The following PTCHD4 variants were observed in gnomAD, a reference collection of about 807,000 sequenced individuals.
PTCHD4 encodes the protein patched domain-containing protein 4.
Under a neutral mutation model 58.1 loss-of-function variants are expected in PTCHD4, and 33 were observed. That is an observed-to-expected ratio of 0.57 (90% confidence interval 0.43 to 0.76). The LOEUF (loss-of-function observed/expected upper bound fraction) is 0.76, where lower values mean the gene tolerates loss of function less well. Ranked by LOEUF, PTCHD4 falls within the 30% of genes least tolerant of loss-of-function variation. The pLI is 0.00. For missense variants in PTCHD4, 1,058 were observed against 1,027.1 expected (o/e 1.03, Z -0.41); for synonymous variants, 478 against 409.6 (o/e 1.17, Z -2.02).
At chr6:47,881,395 A>G (rs1764017525) in intron 4 of PTCHD4, among the ~76,000 whole-genome samples, 1 of 152,176 alleles carries the variant, frequency 6.6e-6, no homozygotes, top group Non-Finnish European at 1.5e-5. Context: ...TTCATGTGAC[A>G]TAGTTCTGGA....
intron 4 of PTCHD4, among the ~76,000 whole-genome samples, chr6:47,948,246 C>T (rs574378617): frequency 3.9e-5 from 6 of 152,306 alleles, no homozygotes; most frequent in African/African-American, 1.4e-4. Flanking sequence ...AGAGGCTACC[C>T]TTAGCTCCTT....
At chr6:48,010,484 C>A (rs1230480672) in intron 3 of PTCHD4, among the ~76,000 whole-genome samples, 2 of 152,028 alleles carry the variant, frequency 1.3e-5, no homozygotes, top group Non-Finnish European at 2.9e-5. Context: ...TAACATGTGA[C>A]AAAGCAACCC....
At chr6:47,962,023 G>C (rs1423843278) in intron 4 of PTCHD4, among the ~76,000 whole-genome samples, 3 of 151,792 alleles carry the variant, frequency 2.0e-5, no homozygotes, top group Non-Finnish European at 4.4e-5. Flanking sequence ...AATCTAACCA[G>C]GTTTATTAGG....
Position 48,068,792 on chromosome 6 carries a change from C to T in PTCHD4, c.6-151G>A. 5.8e-6 allele frequency: 4 copies of T among 686,966 alleles called. No individual in the cohort carries two copies. Among genetic ancestry groups the T allele is most frequent in the South Asian group, 5.8e-5 (3 of 51,858 alleles). 42.6% of individuals were successfully genotyped at this position (686,966 alleles called of 1,614,324 possible). A position where few individuals can be genotyped will look rare whatever the true frequency, so the allele number is the denominator to read the frequency against. ...CCACTCCGCCTGGTCTTTCCCCGGC[C>T]CCACCTCCATGCGCTCCTACTACTC... On this transcript the variant is annotated intron_variant, in intron 2 of 4. Transcript: ENST00000339488. The surrounding 1 kb of genome is among the most constrained non-coding windows in gnomAD (Gnocchi z 4.2).
rs902916790 is a variant in PTCHD4, at chr6:47,876,399, T to A, written c.*1904A>T. 6.6e-6 allele frequency among the ~76,000 whole-genome samples: 1 copy of A among 151,980 alleles called. No homozygotes were observed. The highest frequency in any genetic ancestry group is 1.5e-5 in the Non-Finnish European group (1 of 67,942). On this transcript the variant is annotated 3_prime_UTR_variant, in exon 5 of 5. Coordinates refer to ENST00000339488, the MANE Select transcript of PTCHD4 (RefSeq NM_001384253.1). ...AAGGTAAAACAAAACAAACTCCATT[T>A]AATAAATGAAATATTACTTAAATGT...
chr6:48,024,674 G>A (rs1327916134), intron 3 of PTCHD4, among the ~76,000 whole-genome samples: 1 of 152,106 alleles, frequency 6.6e-6, no homozygotes, highest in African/African-American at 2.4e-5. Context: ...TTTTGTTTCA[G>A]GCACAAAACA....
rs192138541 is a variant in PTCHD4 at position 47,970,423 on chromosome 6, T to C, written c.898+38211A>G. ...AGAAGGATGTCAATAAGAATTCAAG[T>C]TGCAGAATCTTAGAAAAATGCAAGA... On this transcript the variant is annotated intron_variant, in intron 4 of 4. Transcript: ENST00000339488. 4.8e-3 allele frequency among the ~76,000 whole-genome samples: 727 copies of C among 152,272 alleles called. 3 individuals carry two copies. Among genetic ancestry groups the C allele is most frequent in the African/African-American group, 0.016 (656 of 41,564 alleles).
At chr6:47,941,293 G>C (rs1006848254) in intron 4 of PTCHD4, among the ~76,000 whole-genome samples, 2 of 152,166 alleles carry the variant, frequency 1.3e-5, no homozygotes, top group African/African-American at 4.8e-5. Context: ...GTGAATCTTG[G>C]AGTGTGGAGG....
chr6:48,082,294 T>C (rs1765182427), intron 1 of PTCHD4, among the ~76,000 whole-genome samples: 1 of 152,178 alleles, frequency 6.6e-6, no homozygotes, highest in Non-Finnish European at 1.5e-5. Context: ...TTAGGTCTTA[T>C]AAAAATTCAT....
At chr6:47,964,126 A>G (rs1581942517) in intron 4 of PTCHD4, among the ~76,000 whole-genome samples, 1 of 152,216 alleles carries the variant, frequency 6.6e-6, no homozygotes, top group Non-Finnish European at 1.5e-5. Context: ...AGAGAGTAGA[A>G]TAGTGATTGG....
At chr6:48,020,779 A>G (rs1479689098) in intron 3 of PTCHD4, among the ~76,000 whole-genome samples, 1 of 152,126 alleles carries the variant, frequency 6.6e-6, no homozygotes, top group East Asian at 1.9e-4. Context: ...TATACACATT[A>G]CAGCATGATC....
chr6:47,922,401 C>T (rs895322274), intron 4 of PTCHD4, among the ~76,000 whole-genome samples: 2 of 152,128 alleles, frequency 1.3e-5, no homozygotes, highest in Non-Finnish European at 1.5e-5. Flanking sequence ...ACCACCTTCC[C>T]ATTGTGGATA....
At chr6:47,975,706 GT>G (rs1220193491) in intron 4 of PTCHD4, among the ~76,000 whole-genome samples, 1 of 152,142 alleles carries the variant, frequency 6.6e-6, no homozygotes, top group Non-Finnish European at 1.5e-5. Flanking sequence ...AGTAAATCTA[GT>G]AATATTTCTT....
intron 4 of PTCHD4, among the ~76,000 whole-genome samples, chr6:47,995,924 G>A (rs1304880303): frequency 2.0e-5 from 3 of 152,168 alleles, no homozygotes; most frequent in Non-Finnish European, 4.4e-5. Flanking sequence ...TTATGAAGGA[G>A]GCACTGTCGA....
chr6:48,092,292 G>T (rs1426185259), intron 1 of PTCHD4, among the ~76,000 whole-genome samples: 1 of 152,184 alleles, frequency 6.6e-6, no homozygotes, highest in East Asian at 1.9e-4. Flanking sequence ...ATTCATAACA[G>T]CTCTTGCAGT....
rs554525812 is a variant in PTCHD4, at chr6:47,872,638, A to G, written c.*5665T>C. Among the ~76,000 whole-genome samples the G allele has an allele frequency of 6.6e-6, 1 of 151,786 alleles. No homozygotes were observed. Among genetic ancestry groups the G allele is most frequent in the East Asian group, 1.9e-4 (1 of 5,146 alleles). The stretch of plus-strand genomic sequence containing the variant: ...TCTTAAGGGAAATTTTCAACTGGGG[A>G]AAAATAGTAGAAGCTGGCTTTCTAT... On this transcript the variant is annotated 3_prime_UTR_variant, in exon 5 of 5. Coordinates refer to ENST00000339488, the MANE Select transcript of PTCHD4 (RefSeq NM_001384253.1).
intron 4 of PTCHD4, among the ~76,000 whole-genome samples, chr6:47,998,053 C>T (rs1310866210): frequency 6.6e-6 from 1 of 152,114 alleles, no homozygotes; most frequent in Non-Finnish European, 1.5e-5. Flanking sequence ...CAGCATTTAC[C>T]TTGCTTGATT....
At chr6:47,966,599 T>C (rs1767306110) in intron 4 of PTCHD4, among the ~76,000 whole-genome samples, 1 of 152,254 alleles carries the variant, frequency 6.6e-6, no homozygotes. Flanking sequence ...AGAAGTTCTT[T>C]CAAAATTGAA....
intron 4 of PTCHD4, among the ~76,000 whole-genome samples, chr6:47,961,142 T>C (rs1182089550): frequency 6.6e-6 from 1 of 152,070 alleles, no homozygotes; most frequent in Non-Finnish European, 1.5e-5. Flanking sequence ...CTACAAAGCG[T>C]ATTCTCTAAA....
Sources: gnomAD v4.1 joint callset for allele counts (sites outside exome capture counted in the v4.1 genomes callset) on GRCh38, gnomAD v4.1.1 for gene constraint, Gnocchi (gnomAD v3.1) non-coding constraint, MANE v1.5 for transcripts, NCBI Gene and HGNC (gene_info 2026-07-23, HGNC 2026-07-21) for gene names.